INTS4: variants seen among roughly 807,000 people sequenced by gnomAD.
INTS4 encodes the protein integrator complex subunit 4.
In INTS4, 70 loss-of-function variants were observed where a neutral mutation model predicts 119.5. The observed-to-expected ratio is 0.59, with a 90% CI of 0.48 to 0.71. The LOEUF is 0.71. Among genes scored for constraint, INTS4 ranks in the 30% least tolerant of loss-of-function variants. INTS4 has a pLI of 0.00. For missense variants in INTS4, 867 were observed against 1,173.2 expected (o/e 0.74, Z 3.81); for synonymous variants, 316 against 419.6 (o/e 0.75, Z 3.02).
Position 77,922,376 on chromosome 11 carries a change from G to C in INTS4, c.1610C>G (p.Pro537Arg), listed in dbSNP as rs1824371776. 6.8e-7 allele frequency: 1 copy of C among 1,463,492 alleles called. No individual in the cohort carries two copies. The highest frequency in any genetic ancestry group is 9.0e-7 in the Non-Finnish European group (1 of 1,106,136). The allele number at this position is 1,463,492 out of a possible 1,614,324, so 90.7% of individuals were successfully genotyped here. ...GATACAAGCTGGATCATCCATGTCT[G>C]GTTCAGCTGTGTCAAAAAATGGGTG... ...STHPFFDTAEPDMDDPAYIAV... is the reference protein window; with the variant it reads ...STHPFFDTAERDMDDPAYIAV... The change falls in exon 13 of 23, where the codon CCA becomes CGA. Residue 537 changes from proline (P) to arginine (R), a missense_variant. By Grantham distance (103) the Pro-to-Arg change is moderately radical (BLOSUM62 -2). Transcript: ENST00000534064.
At chr11:77,963,768 T>C (rs190281534) in intron 4 of INTS4, among the ~76,000 whole-genome samples, 18 of 152,172 alleles carry the variant, frequency 1.2e-4, no homozygotes, top group African/African-American at 4.3e-4. Context: ...ACTGCAACCT[T>C]GGCCTGACAA....
chr11:77,940,895 A>G (rs1953915214), intron 9 of INTS4, among the ~76,000 whole-genome samples: 1 of 152,128 alleles, frequency 6.6e-6, no homozygotes, highest in Non-Finnish European at 1.5e-5. Context: ...TCAGCCTCCC[A>G]AAGTGCTGGG....
Position 77,963,149 on chromosome 11 carries a change from C to T in INTS4, c.472-2011G>A, listed in dbSNP as rs138225437. ...TGATTTTCAAGCAATAAACTAAATA[C>T]TTCTAGCTTCTGTCAACCAGGCAAC... On this transcript the variant is annotated intron_variant, in intron 4 of 22. Transcript: ENST00000534064. Among the ~76,000 whole-genome samples, 407 of 152,164 alleles carry T rather than the reference C, an allele frequency of 2.7e-3. 1 individual carries two copies. Among genetic ancestry groups the T allele is most frequent in the South Asian group, 5.6e-3 (27 of 4,830 alleles).
At position 77,994,609 on chromosome 11, in the gene INTS4, TC is replaced by T. The variant is rs1165768869; in HGVS notation, c.34del (p.Glu12AsnfsTer19). ...AAHLKKRVYE[E>X]FTKVVQPQEE... ...GCTTACCTGAACCACTTTCGTGAAT[TC>T]CTCATAAACCCGCTTCTTAAGGTGC... On this transcript the variant is annotated frameshift_variant, in exon 1 of 23. Coordinates refer to ENST00000534064, the MANE Select transcript of INTS4 (RefSeq NM_033547.4). LOFTEE classifies it high-confidence loss of function. 1.2e-6 allele frequency: 2 copies of T among 1,614,056 alleles called. No homozygotes were observed. Among genetic ancestry groups the T allele is most frequent in the South Asian group, 2.2e-5 (2 of 91,086 alleles).
Position 77,884,062 on chromosome 11 carries a change from CT to C in INTS4, c.2593-111del. The C allele has an allele frequency of 4.4e-6, 5 of 1,123,810 alleles. No individual in the cohort carries two copies. In the South Asian group the frequency reaches 5.8e-5, roughly 13 times the overall value. The allele number at this position is 1,123,810 out of a possible 1,614,324, so 69.6% of individuals were successfully genotyped here. ...AACACAAGAAGAAACATGACACCAA[CT>C]TTACTAAGATTGAGCCTTGGGGGTA... is the stretch of plus-strand genomic sequence containing the variant. On this transcript the variant is annotated intron_variant, in intron 21 of 22. Coordinates refer to ENST00000534064, the MANE Select transcript of INTS4 (RefSeq NM_033547.4).
At chr11:77,890,982 C>A (rs1033753610) in intron 21 of INTS4, among the ~76,000 whole-genome samples, 2 of 152,154 alleles carry the variant, frequency 1.3e-5, no homozygotes, top group Non-Finnish European at 2.9e-5. Flanking sequence ...TTTTCTGTAA[C>A]AAAAGACCAA....
At chr11:77,893,891 T>TAAATAAA (rs1223751680) in intron 19 of INTS4, among the ~76,000 whole-genome samples, 2 of 137,868 alleles carry the variant, frequency 1.5e-5, no homozygotes, top group Non-Finnish European at 3.1e-5. Context: ...AGACTCTGTC[T>TAAATAAA]TAAATAAATA....
At chr11:77,900,247 A>ACC (rs1310473588) in intron 18 of INTS4, among the ~76,000 whole-genome samples, 6 of 151,972 alleles carry the variant, frequency 3.9e-5, no homozygotes, top group Non-Finnish European at 8.8e-5. Flanking sequence ...CTACTGGTGC[A>ACC]TGCCACCATG....
chr11:77,927,159 C>A (rs1405533146), intron 11 of INTS4, among the ~76,000 whole-genome samples: 1 of 151,954 alleles, frequency 6.6e-6, no homozygotes, highest in Non-Finnish European at 1.5e-5. Flanking sequence ...GTGACTTCAG[C>A]ATAAAGTTCA....
intron 1 of INTS4, among the ~76,000 whole-genome samples, chr11:77,994,297 C>T (rs192530937): frequency 6.6e-6 from 1 of 152,064 alleles, no homozygotes; most frequent in African/African-American, 2.4e-5. Context: ...TAATGTAACG[C>T]GATGGAGCAA....
intron 4 of INTS4, 24 bp from the exon 5 acceptor site, chr11:77,961,162 A>AG (rs1954466478): frequency 2.6e-6 from 4 of 1,514,580 alleles, no homozygotes; most frequent in Non-Finnish European, 3.5e-6. Flanking sequence ...AAAAAAAAAG[A>AG]AAAAAAGAAA....
chr11:77,895,527 G>GA (rs71046921), intron 18 of INTS4, among the ~76,000 whole-genome samples: 505 of 39,262 alleles, frequency 0.013, 48 homozygotes, highest in Non-Finnish European at 0.017. Flanking sequence ...TTCTTTTCCT[G>GA]AAAAAAAAAA....
chr11:77,922,144 T>C (rs10219276), intron 13 of INTS4, among the ~76,000 whole-genome samples: 2 of 151,126 alleles, frequency 1.3e-5, no homozygotes, highest in South Asian at 4.2e-4. Flanking sequence ...AGGAGAATTG[T>C]TTGAACCCGG....
chr11:77,931,031 C>G (rs556123575), intron 10 of INTS4, among the ~76,000 whole-genome samples: 3 of 152,242 alleles, frequency 2.0e-5, no homozygotes, highest in Non-Finnish European at 4.4e-5. Context: ...CCCAGGCTTA[C>G]AAACAAGAAC....
At chr11:77,899,643 C>T (rs1331661703) in intron 18 of INTS4, among the ~76,000 whole-genome samples, 1 of 151,412 alleles carries the variant, frequency 6.6e-6, no homozygotes, top group Admixed American at 6.6e-5. Context: ...GCACTCCAGC[C>T]TGGGCAACAA....
At position 77,891,395 on chromosome 11, in the gene INTS4, G is replaced by C; in HGVS notation, c.2516C>G (p.Ser839Cys). The stretch of plus-strand genomic sequence containing the variant: ...AACATCCAGGGCAACCACCAACCCA[G>C]AGGTAAACCGCAAAGGGTTGTCTGA... ...GESDNPLRFT[S>C]GLVVALDVDA... The change falls in exon 21 of 23, where the codon TCT becomes TGT. Residue 839 changes from serine to cysteine, a missense_variant. Ser to Cys is a moderately radical substitution (Grantham distance 112, BLOSUM62 -1). Coordinates refer to ENST00000534064, the MANE Select transcript of INTS4 (RefSeq NM_033547.4). The C allele has an allele frequency of 6.2e-7, 1 of 1,612,974 alleles. No homozygotes were observed. Among genetic ancestry groups the C allele is most frequent in the East Asian group, 2.2e-5 (1 of 44,872 alleles).
chr11:77,979,079 G>C lies in INTS4; in HGVS notation c.388C>G (p.Leu130Val). 6.2e-7 allele frequency: 1 copy of C among 1,611,606 alleles called. No individual in the cohort carries two copies. Among genetic ancestry groups the C allele is most frequent in the Non-Finnish European group, 8.5e-7 (1 of 1,177,930 alleles). The change falls in exon 4 of 23, where the codon CTG becomes GTG. Residue 130 changes from leucine (L) to valine (V), a missense_variant. Leu to Val is a conservative substitution (Grantham distance 32, BLOSUM62 1). Coordinates refer to ENST00000534064, the MANE Select transcript of INTS4 (RefSeq NM_033547.4). ...NEKSHQVLAQ[L>V]LDTLLAIGTK... ...CCAATTGCAAGCAAAGTATCCAGCAGTTGAGCTAGGACTTGATGAGACTCT... is the reference window on the plus strand; with the variant it reads ...CCAATTGCAAGCAAAGTATCCAGCACTTGAGCTAGGACTTGATGAGACTCT...
At chr11:77,944,424 C>T (rs1192399440) in intron 8 of INTS4, among the ~76,000 whole-genome samples, 1 of 152,160 alleles carries the variant, frequency 6.6e-6, no homozygotes, top group Non-Finnish European at 1.5e-5. Flanking sequence ...TATCCCTGCT[C>T]ATATTTTCTC....
intron 15 of INTS4, among the ~76,000 whole-genome samples, chr11:77,912,921 A>C (rs1238958572): frequency 6.6e-6 from 1 of 152,246 alleles, no homozygotes; most frequent in Non-Finnish European, 1.5e-5. Context: ...GTTAGTGTGT[A>C]AAAGAATTCC....
Sources: allele counts gnomAD v4.1 joint callset (sites outside exome capture counted in the v4.1 genomes callset), GRCh38; gene constraint gnomAD v4.1.1; transcripts MANE v1.5; gene names NCBI Gene and HGNC (gene_info 2026-07-23, HGNC 2026-07-21).